NEBL: variants seen among roughly 807,000 people sequenced by gnomAD.
NEBL encodes LIM and SH3 protein 2.
A neutral mutation model predicts 140.2 loss-of-function variants in NEBL; 122 were observed. That is an observed-to-expected ratio of 0.87 (90% confidence interval 0.75 to 1.01). NEBL has a LOEUF of 1.01. Ranked by LOEUF, NEBL falls within the 50% of genes least tolerant of loss-of-function variation. NEBL has a pLI of 0.00. For missense variants in NEBL, 1,365 were observed against 1,231.3 expected (o/e 1.11, Z -1.62); for synonymous variants, 436 against 398.9 (o/e 1.09, Z -1.11).
At chr10:20,799,055 C>T (rs578035888) in intron 26 of NEBL, among the ~76,000 whole-genome samples, 301 of 150,866 alleles carry the variant, frequency 2.0e-3, no homozygotes, top group Non-Finnish European at 2.9e-3. Flanking sequence ...GCTAGATGTA[C>T]AGACTAGATG....
At chr10:21,039,774 A>G (rs1834185580) in intron 2 of NEBL, among the ~76,000 whole-genome samples, 1 of 152,126 alleles carries the variant, frequency 6.6e-6, no homozygotes, top group Admixed American at 6.5e-5. Flanking sequence ...AACTTTTTCT[A>G]TTTTATTCTA....
At chr10:20,966,100 G>C (rs1836301864) in intron 3 of NEBL, among the ~76,000 whole-genome samples, 1 of 152,154 alleles carries the variant, frequency 6.6e-6, no homozygotes, top group African/African-American at 2.4e-5. Flanking sequence ...AACTTGCTTT[G>C]CCATATTTGC....
chr10:20,851,902 C>T (rs570624794), intron 10 of NEBL, among the ~76,000 whole-genome samples: 9 of 151,950 alleles, frequency 5.9e-5, no homozygotes, highest in South Asian at 2.1e-4. Flanking sequence ...AAGGTGAGTA[C>T]GAAATTATTA....
chr10:20,846,039 G>A (rs1288184243), intron 11 of NEBL, among the ~76,000 whole-genome samples: 11 of 152,064 alleles, frequency 7.2e-5, no homozygotes, highest in African/African-American at 1.7e-4. Context: ...TGGATGCGAC[G>A]GTGATAGCTG....
At chr10:21,268,799 A>C (rs1335883271) in intron 1 of NEBL, among the ~76,000 whole-genome samples, 1 of 152,278 alleles carries the variant, frequency 6.6e-6, no homozygotes, top group East Asian at 1.9e-4. Context: ...TGCTGGGATT[A>C]CAGGCATGAG....
intron 1 of NEBL, among the ~76,000 whole-genome samples, chr10:21,268,363 G>A (rs1588582078): frequency 2.0e-5 from 3 of 152,106 alleles, no homozygotes. Context: ...TGCACCTGTA[G>A]TCCCAGCTAC....
intron 4 of NEBL, among the ~76,000 whole-genome samples, chr10:20,884,393 T>C (rs1372453831): frequency 2.0e-5 from 3 of 152,210 alleles, no homozygotes; most frequent in East Asian, 3.9e-4. Flanking sequence ...GGCATTGAAA[T>C]TGGGGGTTTC....
intron 4 of NEBL, among the ~76,000 whole-genome samples, chr10:20,950,503 C>T (rs1835404743): frequency 6.6e-6 from 1 of 152,142 alleles, no homozygotes; most frequent in Non-Finnish European, 1.5e-5. Context: ...TTACATCCAA[C>T]CGAGGCCCTC....
chr10:20,814,609 T>TACACACACACACACACAC (rs1265684219), intron 22 of NEBL, among the ~76,000 whole-genome samples: 415 of 98,322 alleles, frequency 4.2e-3, no homozygotes, highest in African/African-American at 0.018. Context: ...AACACACACA[T>TACACACACACACACACAC]ACACACATAC....
chr10:20,825,120 C>T (rs1435580978), intron 18 of NEBL, among the ~76,000 whole-genome samples: 2 of 152,044 alleles, frequency 1.3e-5, no homozygotes, highest in Non-Finnish European at 2.9e-5. Context: ...ACTTTTTATG[C>T]TTTTATTTTG....
rs77251977 is a variant in NEBL at position 21,042,677 on chromosome 10, C to A, written c.165-22476G>T. On this transcript the variant is annotated intron_variant, in intron 2 of 6. Coordinates refer to the NEBL transcript ENST00000417816. Reference sequence around the variant, plus strand: ...ACCATGGTGGGAGTATTTTTCACCACAGAAAATCGCAAACACTGCAAATCA... The same window carrying A: ...ACCATGGTGGGAGTATTTTTCACCAAAGAAAATCGCAAACACTGCAAATCA... 1.6e-3 allele frequency among the ~76,000 whole-genome samples: 243 copies of A among 152,308 alleles called. 2 individuals are homozygous for A. The highest frequency in any genetic ancestry group is 5.4e-3 in the African/African-American group (225 of 41,568).
intron 20 of NEBL, among the ~76,000 whole-genome samples, chr10:20,818,418 T>G (rs1023054717): frequency 6.6e-6 from 1 of 152,288 alleles, no homozygotes; most frequent in Non-Finnish European, 1.5e-5. Context: ...CATAGAACAT[T>G]AGTACAGGGC....
At chr10:20,967,868 G>A (rs768838818) in intron 3 of NEBL, among the ~76,000 whole-genome samples, 4 of 152,046 alleles carry the variant, frequency 2.6e-5, no homozygotes, top group Non-Finnish European at 5.9e-5. Context: ...ACTATCTCAC[G>A]ATAAGAATAT....
At chr10:20,902,768 G>T (rs1267010536) in intron 4 of NEBL, among the ~76,000 whole-genome samples, 2 of 152,070 alleles carry the variant, frequency 1.3e-5, no homozygotes, top group Admixed American at 6.5e-5. Context: ...CCAAGAGGAA[G>T]AAACCTAAGC....
chr10:20,802,887 T>C lies in NEBL; in HGVS notation c.2761+5623A>G, dbSNP rs141381455. On this transcript the variant is annotated intron_variant, in intron 26 of 27. Transcript: ENST00000377122. Reference sequence around the variant, plus strand: ...AAGAAAAAAAGTTTATTTAGGGCACTTAGCTGAGGAAATGTAAAATATCTG... The same window carrying C: ...AAGAAAAAAAGTTTATTTAGGGCACCTAGCTGAGGAAATGTAAAATATCTG... 2.9e-4 allele frequency among the ~76,000 whole-genome samples: 44 copies of C among 152,332 alleles called. No individual in the cohort carries two copies. The South Asian group carries it at 6.2e-3, about 22-fold the overall frequency.
intron 3 of NEBL, among the ~76,000 whole-genome samples, chr10:20,965,297 C>T (rs1836253696): frequency 6.6e-6 from 1 of 152,126 alleles, no homozygotes; most frequent in Non-Finnish European, 1.5e-5. Flanking sequence ...GTGGGAAGCG[C>T]TAAGAGAGAA....
At chr10:21,021,649 C>T (rs747729671) in intron 2 of NEBL, among the ~76,000 whole-genome samples, 17 of 152,304 alleles carry the variant, frequency 1.1e-4, no homozygotes, top group Non-Finnish European at 2.4e-4. Context: ...GCTCTCCTGG[C>T]CTCCCAAGTT....
At chr10:20,795,556 T>C (rs1006411747) in intron 26 of NEBL, among the ~76,000 whole-genome samples, 11 of 141,182 alleles carry the variant, frequency 7.8e-5, no homozygotes, top group South Asian at 5.0e-4. Context: ...AGTGTGCGTG[T>C]GCAATGTGTG....
intron 1 of NEBL, among the ~76,000 whole-genome samples, chr10:21,264,696 TAAAAAAAAAAAAAAAAAAAAA>T (rs71392177): frequency 1.4e-3 from 44 of 30,726 alleles, no homozygotes; most frequent in Admixed American, 3.2e-3. Context: ...AGTTGCTATT[TAAAAAAAAAAAAAAAAAAAAA>T]AAAAAAAAAA....
Sources: allele counts gnomAD v4.1 joint callset (sites outside exome capture counted in the v4.1 genomes callset), GRCh38; gene constraint gnomAD v4.1.1; transcripts MANE v1.5; gene names NCBI Gene and HGNC (gene_info 2026-07-23, HGNC 2026-07-21).